TRIO: variants seen among roughly 807,000 people sequenced by gnomAD.
The protein encoded by TRIO is triple functional domain protein.
TRIO carries 58 observed loss-of-function variants against 351.9 expected under a neutral mutation model. The ratio of observed to expected loss-of-function variants is 0.16; its 90% CI spans 0.13 to 0.21. The LOEUF is 0.21. Among genes scored for constraint, TRIO ranks in the 10% least tolerant of loss-of-function variants. TRIO has a pLI of 1.00. For synonymous variants in TRIO, 1,758 were observed against 1,595.7 expected (o/e 1.10, Z -2.42); for missense variants, 3,201 against 4,027.8 (o/e 0.79, Z 5.56).
chr5:14,488,857 G>A, intron 48 of TRIO: 1 of 711,998 alleles, frequency 1.4e-6, no homozygotes, highest in Non-Finnish European at 2.6e-6. Flanking sequence ...ACTGCTCTGG[G>A]CACCTGGCGA....
intron 1 of TRIO, among the ~76,000 whole-genome samples, chr5:14,264,868 T>TTATCACTC: frequency 6.6e-6 from 1 of 152,316 alleles, no homozygotes; most frequent in East Asian, 1.9e-4. Flanking sequence ...TGATGCAGAT[T>TTATCACTC]TATCACTCTT....
chr5:14,315,370 A>G (rs984375755), intron 8 of TRIO, among the ~76,000 whole-genome samples: 1 of 150,858 alleles, frequency 6.6e-6, no homozygotes, highest in Non-Finnish European at 1.5e-5. Context: ...CTCCTGCCTC[A>G]GCCTCCCGAG....
chr5:14,423,924 A>ATTTTTT (rs577094390), intron 34 of TRIO, among the ~76,000 whole-genome samples: 3 of 118,176 alleles, frequency 2.5e-5, no homozygotes, highest in African/African-American at 3.3e-5. Context: ...ACCCCATGGA[A>ATTTTTT]TTTTTTTTTT....
chr5:14,488,710 AC>A, intron 48 of TRIO: 1 of 563,924 alleles, frequency 1.8e-6, no homozygotes, highest in Non-Finnish European at 3.2e-6. Flanking sequence ...GGCATTTTTG[AC>A]TCATCTGCTG....
At chr5:14,287,150 A>T in intron 4 of TRIO, 87 bp downstream of exon 4, 4 of 1,298,298 alleles carry the variant, frequency 3.1e-6, no homozygotes, top group South Asian at 2.9e-5. Flanking sequence ...TTTTTTTTTT[A>T]AACCACATAT....
chr5:14,195,798 G>C (rs562152207), intron 1 of TRIO, among the ~76,000 whole-genome samples: 1 of 152,214 alleles, frequency 6.6e-6, no homozygotes, highest in South Asian at 2.1e-4. Context: ...TGCTCCGATT[G>C]TTCCAGGCTG....
chr5:14,365,219 T>C (rs1744491716), intron 15 of TRIO, among the ~76,000 whole-genome samples: 1 of 152,232 alleles, frequency 6.6e-6, no homozygotes, highest in South Asian at 2.1e-4. Context: ...TCTTTTGTTA[T>C]CAGGATACTG....
chr5:14,278,474 G>A (rs1306469039), intron 2 of TRIO, among the ~76,000 whole-genome samples: 6 of 152,122 alleles, frequency 3.9e-5, no homozygotes, highest in African/African-American at 7.2e-5. Context: ...AACTGTGGTC[G>A]AGAAAAAATG....
chr5:14,260,862 T>C (rs762810603), intron 1 of TRIO, among the ~76,000 whole-genome samples: 1 of 152,210 alleles, frequency 6.6e-6, no homozygotes, highest in Non-Finnish European at 1.5e-5. Flanking sequence ...TGATAGCTTG[T>C]TCAGACACTC....
chr5:14,262,764 A>C (rs1390193607), intron 1 of TRIO, among the ~76,000 whole-genome samples: 1 of 151,636 alleles, frequency 6.6e-6, no homozygotes, highest in East Asian at 2.0e-4. Context: ...TCGATGGTTT[A>C]TGAGGCAGGT....
intron 2 of TRIO, among the ~76,000 whole-genome samples, chr5:14,279,453 A>G (rs541176593): frequency 6.6e-6 from 1 of 152,278 alleles, no homozygotes; most frequent in South Asian, 2.1e-4. Flanking sequence ...TTGAATTTTG[A>G]GGTCTCCCGA....
intron 19 of TRIO, among the ~76,000 whole-genome samples, chr5:14,375,149 A>G (rs993938078): frequency 6.6e-6 from 1 of 152,208 alleles, no homozygotes; most frequent in Admixed American, 6.5e-5. Flanking sequence ...ACACCACTAT[A>G]ATTCTCTAAG....
chr5:14,171,825 A>G (rs1435251286), intron 1 of TRIO, among the ~76,000 whole-genome samples: 1 of 152,176 alleles, frequency 6.6e-6, no homozygotes, highest in Non-Finnish European at 1.5e-5. Context: ...GACCTAGAGT[A>G]GCCTTTTCAG....
At chr5:14,220,063 T>TA (rs1792506686) in intron 1 of TRIO, among the ~76,000 whole-genome samples, 3 of 150,160 alleles carry the variant, frequency 2.0e-5, no homozygotes, top group Non-Finnish European at 3.0e-5. Flanking sequence ...TTTTTTTTTT[T>TA]TAAAAACAAA....
intron 33 of TRIO, among the ~76,000 whole-genome samples, chr5:14,415,954 C>T (rs1749608985): frequency 1.3e-5 from 2 of 151,542 alleles, no homozygotes; most frequent in Non-Finnish European, 1.5e-5. Context: ...TAATGTGAGT[C>T]ATGGAAAGTG....
chr5:14,376,007 A>G (rs1447617638), intron 19 of TRIO, among the ~76,000 whole-genome samples: 3 of 152,182 alleles, frequency 2.0e-5, no homozygotes, highest in Non-Finnish European at 4.4e-5. Context: ...AAATGATGAC[A>G]CCATATTGTC....
intron 1 of TRIO, among the ~76,000 whole-genome samples, chr5:14,230,471 A>G (rs566562554): frequency 1.4e-3 from 214 of 152,192 alleles, no homozygotes; most frequent in African/African-American, 5.0e-3. Flanking sequence ...AAAATGAAAC[A>G]AAGGAGCATG....
At chr5:14,393,392 C>T (rs879876420) in intron 27 of TRIO, among the ~76,000 whole-genome samples, 1 of 152,144 alleles carries the variant, frequency 6.6e-6, no homozygotes, top group Non-Finnish European at 1.5e-5. Flanking sequence ...TAAAAAGAAA[C>T]CCTTATGCCC....
chr5:14,399,243 A>G (rs1377773484), intron 30 of TRIO, 173 bp downstream of exon 30: 1 of 650,774 alleles, frequency 1.5e-6, no homozygotes, highest in African/African-American at 1.8e-5. Context: ...CCCACCCTCA[A>G]GTCCACTAGA....
Sources: gnomAD v4.1 joint callset for allele counts (sites outside exome capture counted in the v4.1 genomes callset) on GRCh38, gnomAD v4.1.1 for gene constraint, MANE v1.5 for transcripts, NCBI Gene and HGNC (gene_info 2026-07-23, HGNC 2026-07-21) for gene names.